Variants in TMEM233 observed in about 807,000 individuals in gnomAD.
TMEM233 encodes the protein transmembrane protein 233, also known as dispanin subfamily B member 2.
Under a neutral mutation model 11.2 loss-of-function variants are expected in TMEM233, and 6 were observed. The ratio of observed to expected loss-of-function variants is 0.54; its 90% CI spans 0.29 to 1.06. The LOEUF (loss-of-function observed/expected upper bound fraction) is 1.06, where lower values mean the gene tolerates loss of function less well. Ranked by LOEUF, TMEM233 falls within the 50% of genes least tolerant of loss-of-function variation. The probability of loss-of-function intolerance (pLI) is 0.08; values close to 1 mark genes in which losing one functional copy is unlikely to be tolerated. For synonymous variants in TMEM233, 59 were observed against 55.8 expected (o/e 1.06, Z -0.26); for missense variants, 127 against 144.7 (o/e 0.88, Z 0.63).
intron 1 of TMEM233, among the ~76,000 whole-genome samples, chr12:119,597,802 G>A (rs897790420): frequency 6.6e-6 from 1 of 152,188 alleles, no homozygotes; most frequent in African/African-American, 2.4e-5. Context: ...TCTATATATT[G>A]AAAGTCTGTT....
chr12:119,603,833 A>G (rs1954214331), intron 1 of TMEM233, among the ~76,000 whole-genome samples: 1 of 152,238 alleles, frequency 6.6e-6, no homozygotes, highest in African/African-American at 2.4e-5. Flanking sequence ...ATGAATGACT[A>G]CATAGGCCAA....
chr12:119,620,423 A>G (rs1954618035), intron 1 of TMEM233, among the ~76,000 whole-genome samples: 1 of 152,188 alleles, frequency 6.6e-6, no homozygotes, highest in Non-Finnish European at 1.5e-5. Context: ...AATTCACCAA[A>G]AGCAGAGGCT....
At chr12:119,619,373 G>A (rs1047918054) in intron 1 of TMEM233, among the ~76,000 whole-genome samples, 8 of 152,140 alleles carry the variant, frequency 5.3e-5, no homozygotes, top group Admixed American at 5.2e-4. Flanking sequence ...AGGCATGGTG[G>A]CTCATGTCTA....
intron 1 of TMEM233, among the ~76,000 whole-genome samples, chr12:119,628,232 T>G (rs1954802606): frequency 6.6e-6 from 1 of 151,672 alleles, no homozygotes; most frequent in South Asian, 2.1e-4. Flanking sequence ...AAATCTCAGC[T>G]CACTGCAACC....
the TMEM233 span, among the ~76,000 whole-genome samples, chr12:119,649,962 C>T: frequency 6.6e-6 from 1 of 151,122 alleles, no homozygotes; most frequent in African/African-American, 2.4e-5. Context: ...ATCAAGACCA[C>T]CCTGGCTAAC....
chr12:119,617,832 T>C (rs896317428), intron 1 of TMEM233, among the ~76,000 whole-genome samples: 1 of 151,712 alleles, frequency 6.6e-6, no homozygotes, highest in African/African-American at 2.4e-5. Flanking sequence ...AAACTCCATC[T>C]CAAAAAAACA....
chr12:119,600,107 A>G (rs531888264), intron 1 of TMEM233, among the ~76,000 whole-genome samples: 18 of 152,124 alleles, frequency 1.2e-4, no homozygotes, highest in African/African-American at 4.3e-4. Flanking sequence ...GCAGCTTTTC[A>G]GTGTCTCACT....
In TMEM233 at chr12:119,600,866, G is replaced by T. The variant is rs79469256; in HGVS notation, c.186+6832G>T. Among the ~76,000 whole-genome samples the T allele has an allele frequency of 3.7e-3, 571 of 152,268 alleles. 3 individuals are homozygous for T. The highest frequency in any genetic ancestry group is 0.014 in the African/African-American group (562 of 41,534). On this transcript the variant is annotated intron_variant, in intron 1 of 2. Coordinates refer to ENST00000426426, the MANE Select transcript of TMEM233 (RefSeq NM_001136534.3). Reference sequence around the variant, plus strand: ...AGAAAAGTTCTGGGAATGGATGGTGGTGATGGTTGTACAACAGTGTGAATG... The same window carrying T: ...AGAAAAGTTCTGGGAATGGATGGTGTTGATGGTTGTACAACAGTGTGAATG...
the TMEM233 span, among the ~76,000 whole-genome samples, chr12:119,653,340 C>T: frequency 7.7e-6 from 1 of 130,110 alleles, no homozygotes; most frequent in African/African-American, 3.0e-5. Flanking sequence ...TGCAGTGAGC[C>T]GAGATCACAC....
chr12:119,622,934 C>A (rs145367972), intron 1 of TMEM233, among the ~76,000 whole-genome samples: 114 of 152,290 alleles, frequency 7.5e-4, no homozygotes, highest in African/African-American at 2.6e-3. Context: ...CCTTACATGT[C>A]CCTGGAAAGA....
Position 119,595,110 on chromosome 12 carries a change from G to C in TMEM233, c.186+1076G>C, listed in dbSNP as rs1954011612. Among the ~76,000 whole-genome samples, 1 of 152,200 alleles carries C rather than the reference G, an allele frequency of 6.6e-6. No homozygotes were observed. Among genetic ancestry groups the C allele is most frequent in the Admixed American group, 6.5e-5 (1 of 15,280 alleles). On this transcript the variant is annotated intron_variant, in intron 1 of 2. Transcript: ENST00000426426. This position sits in a 1 kb window ranked among gnomAD's most constrained non-coding sequence, Gnocchi z 4.3. ...CCCTAGCCCTCTTCAACCCTGGTAG[G>C]AACACCCGAGCGAACCCCACCAGGA...
chr12:119,628,855 G>T (rs1485029423), intron 1 of TMEM233, among the ~76,000 whole-genome samples: 2 of 152,140 alleles, frequency 1.3e-5, no homozygotes, highest in Non-Finnish European at 1.5e-5. Context: ...TCCCAGGCTA[G>T]GCCCCAGTTC....
intron 1 of TMEM233, among the ~76,000 whole-genome samples, chr12:119,603,549 A>G (rs940992081): frequency 6.6e-6 from 1 of 152,192 alleles, no homozygotes; most frequent in African/African-American, 2.4e-5. Flanking sequence ...TCACCTAAGG[A>G]TCTTGTTAAA....
intron 1 of TMEM233, among the ~76,000 whole-genome samples, chr12:119,604,456 A>G (rs1307227884): frequency 6.6e-6 from 1 of 152,206 alleles, no homozygotes; most frequent in Non-Finnish European, 1.5e-5. Context: ...GCCACAGCAC[A>G]CATTTTGGGA....
At chr12:119,647,544 C>T (rs1357264959), downstream of TMEM233, among the ~76,000 whole-genome samples, 2 of 152,162 alleles carry the variant, frequency 1.3e-5, no homozygotes, top group African/African-American at 4.8e-5. Context: ...AGTCTGTTCT[C>T]TTCTTCAGTG....
intron 1 of TMEM233, among the ~76,000 whole-genome samples, chr12:119,613,225 A>G: frequency 6.6e-6 from 1 of 152,218 alleles, no homozygotes; most frequent in Admixed American, 6.5e-5. Context: ...AAAAAAAAAA[A>G]AAAAAGGGCT....
rs141288078 is a variant in TMEM233 at position 119,599,221 on chromosome 12, G to A, written c.186+5187G>A. The stretch of plus-strand genomic sequence containing the variant: ...TTAAAATGATAGTAAGTGCTATTTG[G>A]TAGCACAATAGGGTGACTGTAGTCA... On this transcript the variant is annotated intron_variant, in intron 1 of 2. Coordinates refer to ENST00000426426, the MANE Select transcript of TMEM233 (RefSeq NM_001136534.3). Among the ~76,000 whole-genome samples, 401 of 152,224 alleles carry A rather than the reference G, an allele frequency of 2.6e-3. 2 individuals are homozygous for A. The highest frequency in any genetic ancestry group is 9.3e-3 in the African/African-American group (388 of 41,546).
chr12:119,638,881 T>C (rs960988015), intron 2 of TMEM233, among the ~76,000 whole-genome samples: 37 of 151,980 alleles, frequency 2.4e-4, no homozygotes, highest in African/African-American at 8.7e-4. Context: ...TATTTTTTTT[T>C]AAGTATACAG....
intron 1 of TMEM233, among the ~76,000 whole-genome samples, chr12:119,601,657 CA>C (rs34870019): frequency 0.69 from 62,627 of 90,576 alleles, 19,373 homozygotes; most frequent in South Asian, 0.79. Context: ...GATTCCGCCT[CA>C]AAAAAAAAAA....
Sources: gnomAD v4.1 joint callset for allele counts (sites outside exome capture counted in the v4.1 genomes callset) on GRCh38, gnomAD v4.1.1 for gene constraint, Gnocchi (gnomAD v3.1) non-coding constraint, MANE v1.5 for transcripts, NCBI Gene and HGNC (gene_info 2026-07-23, HGNC 2026-07-21) for gene names.